SETD1B: variants seen among roughly 807,000 people sequenced by gnomAD.
The protein encoded by SETD1B is histone-lysine N-methyltransferase SETD1B.
A neutral mutation model predicts 148.0 loss-of-function variants in SETD1B; 7 were observed. The ratio of observed to expected loss-of-function variants is 0.05; its 90% CI spans 0.03 to 0.09. The LOEUF is 0.09. Among genes scored for constraint, SETD1B ranks in the 10% least tolerant of loss-of-function variants. The probability of loss-of-function intolerance (pLI) is 1.00; values close to 1 mark genes in which losing one functional copy is unlikely to be tolerated. For synonymous variants in SETD1B, 1,361 were observed against 1,186.5 expected (o/e 1.15, Z -3.02); for missense variants, 2,155 against 2,729.9 (o/e 0.79, Z 4.69).
chr12:121,816,895 C>T, intron 7 of SETD1B, 138 bp from the exon 8 acceptor site: 1 of 741,764 alleles, frequency 1.3e-6, no homozygotes, highest in Non-Finnish European at 2.1e-6. Flanking sequence ...ATAGTGTGGC[C>T]AGGTGTGTAG....
Position 121,809,966 on chromosome 12 carries a change from G to C in SETD1B, c.1021G>C (p.Gly341Arg). The change falls in exon 6 of 17, where the codon GGG (glycine) becomes CGG (arginine). Residue 341 changes from glycine (G) to arginine (R), a missense_variant. Around this residue, in one of 11 missense-constraint regions of SETD1B, gnomAD observed 376 missense variants for 385.0 expected, o/e 0.98. Coordinates refer to ENST00000604567, the MANE Select transcript of SETD1B (RefSeq NM_001353345.2). ...TTCTCCCGCGGTCACTGCGGTGGCC[G>C]GGGCCACAGCCGCTTTCCGGGGTTC... Reference protein sequence around the residue: ...HNSPAVTAVAGATAAFRGSSD... With the variant: ...HNSPAVTAVARATAAFRGSSD... 6.4e-7 allele frequency: 1 copy of C among 1,550,792 alleles called. No homozygotes were observed.
Position 121,804,939 on chromosome 12 carries a change from G to T in SETD1B, c.174+28G>T, listed in dbSNP as rs1333796852. The T allele has an allele frequency of 5.4e-6, 8 of 1,479,780 alleles. No homozygotes were observed. Among genetic ancestry groups the T allele is most frequent in the Non-Finnish European group, 7.2e-6 (8 of 1,111,504 alleles). 91.7% of individuals were successfully genotyped at this position (1,479,780 alleles called of 1,614,324 possible). A position where few individuals can be genotyped will look rare whatever the true frequency, so the allele number is the denominator to read the frequency against. On this transcript the variant is annotated intron_variant, in intron 2 of 16. Transcript: ENST00000604567. The surrounding 1 kb of genome is among the most constrained non-coding windows in gnomAD (Gnocchi z 4.6). ...GAGTAGCCGGCGCGCCCCCCCAGCC[G>T]TGCCCCGCGTCGTGTCCGGGGAGAC...
chr12:121,824,041 G>A (rs754427854), intron 12 of SETD1B, among the ~76,000 whole-genome samples: 102 of 152,354 alleles, frequency 6.7e-4, no homozygotes, highest in Non-Finnish European at 1.3e-3. Flanking sequence ...CAGCACACAC[G>A]GGCGCAGGGC....
chr12:121,791,776 G>C, the SETD1B span, among the ~76,000 whole-genome samples: 6 of 152,354 alleles, frequency 3.9e-5, no homozygotes, highest in South Asian at 1.0e-3. Context: ...GATGGCAGAG[G>C]AGGAGGAAAG....
chr12:121,822,692 C>G lies in SETD1B; in HGVS notation c.4113C>G (p.Ala1371=). ...PHTPGLCGSL[A]KSQSTETVPA... ...CTCCAGGCCTCTGTGGCAGCCTGGC[C>G]AAGTCGCAGAGCACAGAGACGGTGC... The change falls in exon 12 of 17, where the codon GCC becomes GCG. Residue 1371 remains alanine (A), a synonymous_variant. Transcript: ENST00000604567. 2.6e-6 allele frequency: 4 copies of G among 1,539,328 alleles called. No individual in the cohort carries two copies. Among genetic ancestry groups the G allele is most frequent in the Non-Finnish European group, 3.5e-6 (4 of 1,138,258 alleles).
the SETD1B span, among the ~76,000 whole-genome samples, chr12:121,796,697 T>G: frequency 6.6e-6 from 1 of 152,224 alleles, no homozygotes; most frequent in Non-Finnish European, 1.5e-5. Flanking sequence ...AGGCCACTCC[T>G]TGAGTGCTAA....
chr12:121,793,738 C>T, the SETD1B span: 1 of 1,072,258 alleles, frequency 9.3e-7, no homozygotes, highest in Non-Finnish European at 1.2e-6. Flanking sequence ...CGGAGCAGCG[C>T]CGCCTCCGCC....
rs1299391974 is a variant in SETD1B at position 121,819,848 on chromosome 12, C to G, written c.3863C>G (p.Ala1288Gly). ...ATGTTGCTGTCTCCAGAGCCCCCTG[C>G]CAAGGAGGTGGAGGCTCGACCCCCA... ...GAMLLSPEPP[A>G]KEVEARPPLS... The change falls in exon 11 of 17, where the codon GCC becomes GGC. Residue 1288 changes from alanine to glycine, a missense_variant. Ala to Gly is a moderately conservative substitution (Grantham distance 60). Transcript: ENST00000604567. 6.4e-7 allele frequency: 1 copy of G among 1,551,266 alleles called. No homozygotes were observed. Among genetic ancestry groups the G allele is most frequent in the Non-Finnish European group, 8.7e-7 (1 of 1,146,910 alleles).
rs1276654044 is a variant in SETD1B at position 121,810,309 on chromosome 12, C to T, written c.1364C>T (p.Pro455Leu). 1.9e-5 allele frequency: 29 copies of T among 1,543,264 alleles called. No individual in the cohort carries two copies. The highest frequency in any genetic ancestry group is 7.9e-5 in the Admixed American group (4 of 50,940). ...AAGCCAGGCACGCCACCCGGCCCGC[C>T]GCCCCCCGACACCAACAGCATGGAG... ...KEKPGTPPGP[P>L]PPDTNSMELG... Residue 455 changes from proline (P) to leucine (L), a missense_variant, in exon 6 of 17, where the codon CCG becomes CTG. Transcript: ENST00000604567. This position sits in a 1 kb window ranked among gnomAD's most constrained non-coding sequence, Gnocchi z 7.6.
At chr12:121,807,285 C>T (rs1051365523) in intron 4 of SETD1B, among the ~76,000 whole-genome samples, 1 of 152,006 alleles carries the variant, frequency 6.6e-6, no homozygotes, top group South Asian at 2.1e-4. Flanking sequence ...CCACCCCTTT[C>T]CCTAGCTTCT....
chr12:121,815,931 G>A (rs1186104112), intron 7 of SETD1B, among the ~76,000 whole-genome samples: 4 of 148,994 alleles, frequency 2.7e-5, no homozygotes, highest in Admixed American at 6.8e-5. Context: ...GGGTTCAAGC[G>A]ATTCTCCTGC....
chr12:121,815,433 G>A (rs528140061), intron 7 of SETD1B, among the ~76,000 whole-genome samples: 2 of 150,406 alleles, frequency 1.3e-5, no homozygotes, highest in African/African-American at 2.4e-5. Context: ...TCACAGCTGC[G>A]ACTCCCTTTG....
intron 6 of SETD1B, among the ~76,000 whole-genome samples, chr12:121,812,161 C>T (rs1432416138): frequency 1.3e-5 from 2 of 152,128 alleles, no homozygotes; most frequent in Non-Finnish European, 2.9e-5. Flanking sequence ...CTGCTGGCGC[C>T]GGGGAATAGC....
chr12:121,798,943 T>C, the SETD1B span, among the ~76,000 whole-genome samples: 3 of 152,258 alleles, frequency 2.0e-5, no homozygotes, highest in Non-Finnish European at 4.4e-5. Context: ...GTGGCACTTC[T>C]GCGTCAAAAC....
At chr12:121,798,306 A>G in the SETD1B span, among the ~76,000 whole-genome samples, 1 of 152,218 alleles carries the variant, frequency 6.6e-6, no homozygotes, top group East Asian at 1.9e-4. Flanking sequence ...CAACCACTCC[A>G]GAGGAGAACC....
chr12:121,802,741 TTTTAAA>T (rs1875451061), upstream of SETD1B: 1 of 152,240 alleles, frequency 6.6e-6, no homozygotes, highest in African/African-American at 2.4e-5. Context: ...ATCCAGATCT[TTTTAAA>T]AAGTCTTCTC....
intron 10 of SETD1B, among the ~76,000 whole-genome samples, chr12:121,818,284 C>T (rs769113890): frequency 7.9e-5 from 12 of 152,132 alleles, no homozygotes; most frequent in East Asian, 1.9e-4. Flanking sequence ...AGCAGTTGGC[C>T]GGACGCAGTG....
chr12:121,820,724 G>A (rs1255987520), intron 11 of SETD1B, among the ~76,000 whole-genome samples: 1 of 152,096 alleles, frequency 6.6e-6, no homozygotes, highest in East Asian at 1.9e-4. Context: ...TAGTAGAGAT[G>A]GGGTTTCTCC....
the SETD1B span, chr12:121,797,785 G>A: frequency 5.7e-6 from 2 of 352,528 alleles, no homozygotes; most frequent in African/African-American, 2.1e-5. Context: ...GGGGTTCAAT[G>A]GCAGAGCCAA....
Sources: allele counts gnomAD v4.1 joint callset (sites outside exome capture counted in the v4.1 genomes callset), GRCh38; gene constraint gnomAD v4.1.1; regional missense constraint gnomAD v4.1.1; non-coding constraint Gnocchi (gnomAD v3.1); transcripts MANE v1.5; gene names NCBI Gene and HGNC (gene_info 2026-07-23, HGNC 2026-07-21).